MAP3K19: variants seen among roughly 807,000 people sequenced by gnomAD.
The protein encoded by MAP3K19 is mitogen-activated protein kinase kinase kinase 19.
Under a neutral mutation model 114.4 loss-of-function variants are expected in MAP3K19, and 91 were observed. The observed-to-expected ratio is 0.80, with a 90% CI of 0.67 to 0.95. MAP3K19 has a LOEUF of 0.95. Ranked by LOEUF, MAP3K19 falls within the 40% of genes least tolerant of loss-of-function variation. The pLI, the probability that MAP3K19 is intolerant of heterozygous loss-of-function variation, is 0.00. For synonymous variants in MAP3K19, 518 were observed against 530.5 expected, an observed-to-expected ratio of 0.98 and a Z score of 0.32; for missense variants, 1,471 against 1,573.2, an observed-to-expected ratio of 0.94 and a Z score of 1.10.
Position 135,014,029 on chromosome 2 carries a change from A to G in MAP3K19, c.138+7686T>C, listed in dbSNP as rs186150828. Among the ~76,000 whole-genome samples the G allele has an allele frequency of 2.0e-3, 310 of 152,228 alleles. 2 individuals carry two copies. The highest frequency in any genetic ancestry group is 3.3e-3 in the Non-Finnish European group (224 of 68,020). On this transcript the variant is annotated intron_variant, in intron 5 of 12. Transcript: ENST00000392915. ...TTTATTCAACTCTAATGCTTAACTG[A>G]GAGTTTGTTTGGGCATAGAATCCTA...
At chr2:134,990,002 A>AAC (rs942644216) in intron 9 of MAP3K19, among the ~76,000 whole-genome samples, 2 of 152,040 alleles carry the variant, frequency 1.3e-5, no homozygotes, top group Non-Finnish European at 2.9e-5. Context: ...GAAACGCTTG[A>AAC]ACCCAGGAGG....
At chr2:134,983,199 C>A in intron 11 of MAP3K19, 1 of 533,476 alleles carries the variant, frequency 1.9e-6, no homozygotes, top group African/African-American at 1.9e-5. Context: ...TCGCCCACCC[C>A]CCAAGATCTC....
intron 5 of MAP3K19, among the ~76,000 whole-genome samples, chr2:135,016,490 C>T (rs561387151): frequency 6.6e-6 from 1 of 152,094 alleles, no homozygotes; most frequent in Non-Finnish European, 1.5e-5. Flanking sequence ...GTATTCTTGG[C>T]CTTTTGCCTT....
intron 5 of MAP3K19, among the ~76,000 whole-genome samples, chr2:135,017,596 C>T (rs144383902): frequency 6.6e-6 from 1 of 152,230 alleles, no homozygotes; most frequent in African/African-American, 2.4e-5. Context: ...CTCTCTGCTC[C>T]TTATATACAT....
At chr2:135,016,532 T>TAC (rs149691971) in intron 5 of MAP3K19, among the ~76,000 whole-genome samples, 2 of 152,098 alleles carry the variant, frequency 1.3e-5, no homozygotes, top group African/African-American at 4.8e-5. Context: ...CTTGTTAATT[T>TAC]ACACACACAC....
chr2:134,984,316 C>T (rs1252455916), intron 10 of MAP3K19, among the ~76,000 whole-genome samples: 1 of 152,134 alleles, frequency 6.6e-6, no homozygotes, highest in East Asian at 1.9e-4. Flanking sequence ...CAAACTCATA[C>T]ACACATATTC....
At chr2:135,027,293 G>A (rs1219518294) in intron 3 of MAP3K19, among the ~76,000 whole-genome samples, 1 of 143,504 alleles carries the variant, frequency 7.0e-6, no homozygotes, top group African/African-American at 2.6e-5. Context: ...AAGGAAGGAA[G>A]GAAGGAAGGA....
chr2:135,029,908 C>A (rs145590352), intron 3 of MAP3K19, among the ~76,000 whole-genome samples: 1 of 152,334 alleles, frequency 6.6e-6, no homozygotes, highest in East Asian at 1.9e-4. Context: ...AAGGCATAGG[C>A]TCTCAGATTC....
Position 134,999,709 on chromosome 2 carries a change from T to C in MAP3K19, c.314+228A>G, listed in dbSNP as rs1208589171. On this transcript the variant is annotated intron_variant, in intron 7 of 12. Transcript: ENST00000392915. The surrounding 1 kb of genome is among the most constrained non-coding windows in gnomAD (Gnocchi z 4.1). ...GCCACACTCATTTGTTTACATATTG[T>C]CTATGGCTGCATTCAAATGACAGTT... 3.3e-5 allele frequency among the ~76,000 whole-genome samples: 5 copies of C among 152,166 alleles called. No homozygotes were observed. The highest frequency in any genetic ancestry group is 1.3e-4 in the Admixed American group (2 of 15,272).
chr2:134,965,710 A>G (rs1335490867), intron 12 of MAP3K19, among the ~76,000 whole-genome samples: 1 of 152,120 alleles, frequency 6.6e-6, no homozygotes, highest in African/African-American at 2.4e-5. Context: ...TATAATGAGT[A>G]TTTGTCATTT....
intron 9 of MAP3K19, 50 bp downstream of exon 9, chr2:134,991,487 G>C (rs780570484): frequency 6.7e-7 from 1 of 1,489,294 alleles, no homozygotes; most frequent in Non-Finnish European, 9.4e-7. Flanking sequence ...TTAGTGAATA[G>C]AGTTGTTTGG....
intron 5 of MAP3K19, among the ~76,000 whole-genome samples, chr2:135,006,168 T>C (rs1013464217): frequency 6.6e-6 from 1 of 152,254 alleles, no homozygotes; most frequent in Admixed American, 6.5e-5. Flanking sequence ...AAGAAATGTT[T>C]TCTTAGTAGA....
chr2:135,010,574 C>T (rs946916934), intron 5 of MAP3K19, among the ~76,000 whole-genome samples: 4 of 152,084 alleles, frequency 2.6e-5, no homozygotes, highest in Non-Finnish European at 4.4e-5. Context: ...CAACAGCATA[C>T]CAAACATACA....
rs200673780 is a variant in MAP3K19 at position 134,986,982 on chromosome 2, G to C, written c.1890C>G (p.Leu630=). 6 of 1,613,736 alleles carry C rather than the reference G, an allele frequency of 3.7e-6. No homozygotes were observed. The South Asian group carries it at 5.5e-5, about 15-fold the overall frequency. Residue 630 remains leucine, a synonymous_variant, in exon 10 of 13, where the codon CTC becomes CTG. Transcript: ENST00000392915. ...GTCTTGGCTCTGTCGGTTGAACAGA[G>C]AGAGGAACACATGACTTCTGTGTTC... ...NPGTQKSCVP[L]SVQPTEPRLN... is the part of the protein sequence containing the mutation.
rs1686231741 is a variant in MAP3K19 at position 134,998,972 on chromosome 2, A to T, written c.340T>A (p.Trp114Arg). The T allele has an allele frequency of 6.2e-7, 1 of 1,613,382 alleles. No homozygotes were observed. The highest frequency in any genetic ancestry group is 8.5e-7 in the Non-Finnish European group (1 of 1,179,898). Residue 114 changes from tryptophan (W) to arginine (R), a missense_variant, in exon 8 of 13, where the codon TGG becomes AGG. By Grantham distance (101) the Trp-to-Arg change is moderately radical (BLOSUM62 -3). Coordinates refer to ENST00000392915, the MANE Select transcript of MAP3K19 (RefSeq NM_025052.5). ...TGAGAAACTGCATGTGCTTGTGCCC[A>T]TTCTTGAAGCGATGAGTTTATCAGA... is the stretch of plus-strand genomic sequence containing the variant. Reference protein sequence around the residue: ...KNLINSSLQEWAQAHAVSHPN... With the variant: ...KNLINSSLQERAQAHAVSHPN...
At chr2:135,018,671 TC>T (rs1390652523) in intron 5 of MAP3K19, among the ~76,000 whole-genome samples, 1 of 152,236 alleles carries the variant, frequency 6.6e-6, no homozygotes, top group African/African-American at 2.4e-5. Flanking sequence ...TTTCTTTCTT[TC>T]TTTTTTTACA....
At chr2:134,993,947 C>A (rs1270804362) in intron 8 of MAP3K19, among the ~76,000 whole-genome samples, 3 of 152,094 alleles carry the variant, frequency 2.0e-5, no homozygotes, top group Non-Finnish European at 4.4e-5. Flanking sequence ...AATATTGAGG[C>A]TGCAGCGAGC....
rs760876685 is a variant in MAP3K19, at chr2:134,986,936, A to C, written c.1936T>G (p.Tyr646Asp). The change falls in exon 10 of 13, where the codon TAT becomes GAT. Residue 646 changes from tyrosine (Y) to aspartate (D), a missense_variant. Coordinates refer to ENST00000392915, the MANE Select transcript of MAP3K19 (RefSeq NM_025052.5). ...EPRLNYLDLK[Y>D]SDMFKEINST... ...TTGATTTCTTTGAACATATCACTAT[A>C]CTTAAGATCTAGGTAATTTAGTCTT... 2.3e-5 allele frequency: 37 copies of C among 1,614,008 alleles called. No homozygotes were observed. The highest frequency in any genetic ancestry group is 3.0e-5 in the Non-Finnish European group (35 of 1,180,046).
At chr2:134,996,271 CTTTTT>C (rs61265758) in intron 8 of MAP3K19, among the ~76,000 whole-genome samples, 1 of 125,816 alleles carries the variant, frequency 7.9e-6, no homozygotes, top group African/African-American at 3.0e-5. Flanking sequence ...CTTCTTATTT[CTTTTT>C]TTTTTTTTTT....
Sources: gnomAD v4.1 joint callset for allele counts (sites outside exome capture counted in the v4.1 genomes callset) on GRCh38, gnomAD v4.1.1 for gene constraint, Gnocchi (gnomAD v3.1) non-coding constraint, MANE v1.5 for transcripts, NCBI Gene and HGNC (gene_info 2026-07-23, HGNC 2026-07-21) for gene names.